Variants in NALCN observed in about 807,000 individuals in gnomAD.
NALCN encodes sodium leak channel NALCN.
In NALCN, 111 loss-of-function variants were observed where a neutral mutation model predicts 225.3. The ratio of observed to expected loss-of-function variants is 0.49; its 90% CI spans 0.42 to 0.58. The LOEUF is 0.58. NALCN is among the 20% of genes least tolerant of loss of function. The probability of loss-of-function intolerance (pLI) is 0.00; values close to 1 mark genes in which losing one functional copy is unlikely to be tolerated. For synonymous variants in NALCN, 764 were observed against 769.0 expected (o/e 0.99, Z 0.11); for missense variants, 1,378 against 2,202.4 (o/e 0.63, Z 7.49).
chr13:101,314,813 G>A (rs1374922443), intron 7 of NALCN, among the ~76,000 whole-genome samples: 2 of 152,178 alleles, frequency 1.3e-5, no homozygotes, highest in African/African-American at 4.8e-5. Context: ...TACAAAGGCA[G>A]GTGAGCAAAG....
At chr13:101,285,332 C>G (rs1002450251) in intron 9 of NALCN, among the ~76,000 whole-genome samples, 2 of 152,224 alleles carry the variant, frequency 1.3e-5, no homozygotes, top group East Asian at 1.9e-4. Flanking sequence ...TAGAGTCCTG[C>G]TCTGTCGCCC....
At chr13:101,074,774 G>T (rs2033146987) in intron 35 of NALCN, 112 bp from the exon 36 acceptor site, 9 of 1,260,406 alleles carry the variant, frequency 7.1e-6, no homozygotes, top group Non-Finnish European at 9.5e-6. Flanking sequence ...TGGAAGACCT[G>T]GGTAGCAACT....
chr13:101,295,757 T>A (rs1440930631), intron 7 of NALCN, among the ~76,000 whole-genome samples: 3 of 152,102 alleles, frequency 2.0e-5, no homozygotes, highest in Non-Finnish European at 4.4e-5. Flanking sequence ...CTACACTGGG[T>A]AGAAAGGCTG....
chr13:101,234,273 T>A (rs2041466336), intron 12 of NALCN, among the ~76,000 whole-genome samples: 1 of 152,230 alleles, frequency 6.6e-6, no homozygotes, highest in African/African-American at 2.4e-5. Flanking sequence ...CACTGCTCCA[T>A]CTTCAGTATC....
chr13:101,227,086 G>T (rs2041172722), intron 13 of NALCN, among the ~76,000 whole-genome samples: 1 of 152,160 alleles, frequency 6.6e-6, no homozygotes, highest in Non-Finnish European at 1.5e-5. Context: ...CCTCCTGCCT[G>T]TACTGTTGCA....
chr13:101,111,095 C>A (rs1397125111), intron 19 of NALCN, 30 bp downstream of exon 19: 2 of 1,586,498 alleles, frequency 1.3e-6, no homozygotes, highest in South Asian at 2.2e-5. Context: ...TTTTTAGAGT[C>A]TCTGAAGCCC....
At chr13:101,297,333 G>A (rs148603398) in intron 7 of NALCN, among the ~76,000 whole-genome samples, 2 of 152,170 alleles carry the variant, frequency 1.3e-5, no homozygotes, top group Non-Finnish European at 2.9e-5. Context: ...ATGTAAGCCC[G>A]AGACAGTGGA....
chr13:101,125,028 T>A (rs181262247), intron 17 of NALCN, among the ~76,000 whole-genome samples: 1 of 152,198 alleles, frequency 6.6e-6, no homozygotes, highest in African/African-American at 2.4e-5. Flanking sequence ...ATCCACATTA[T>A]GTCTGCTGCA....
Position 101,292,518 on chromosome 13 carries a change from C to T in NALCN, c.800-152G>A. 1 of 769,972 alleles carries T rather than the reference C, an allele frequency of 1.3e-6. No homozygotes were observed. Among genetic ancestry groups the T allele is most frequent in the Non-Finnish European group, 1.9e-6 (1 of 513,396 alleles). The allele number at this position is 769,972 out of a possible 1,614,324, so 47.7% of individuals were successfully genotyped here. On this transcript the variant is annotated intron_variant, in intron 7 of 43. Coordinates refer to ENST00000251127, the MANE Select transcript of NALCN (RefSeq NM_052867.4). The surrounding 1 kb of genome is among the most constrained non-coding windows in gnomAD (Gnocchi z 4.3). The stretch of plus-strand genomic sequence containing the variant: ...TTAGAATCACATGCAACACATTTTA[C>T]TGTTCTCTTAAAATTTTAATAAAGT...
chr13:101,353,459 C>T (rs1452065945), intron 6 of NALCN, among the ~76,000 whole-genome samples: 1 of 152,184 alleles, frequency 6.6e-6, no homozygotes, highest in East Asian at 1.9e-4. Flanking sequence ...ATTGGTCTAG[C>T]TAATTCTAAT....
Position 101,226,313 on chromosome 13 carries a change from G to A in NALCN, c.1626+3080C>T, listed in dbSNP as rs899603161. 4.0e-5 allele frequency among the ~76,000 whole-genome samples: 6 copies of A among 151,884 alleles called. No individual in the cohort carries two copies. In the East Asian group the frequency reaches 5.8e-4, roughly 15 times the overall value. On this transcript the variant is annotated intron_variant, in intron 13 of 43. Transcript: ENST00000251127. ...ACTTTCCCTCACATAGAAACATTCC[G>A]AACCTGCGATAAGCTCCCCACTTCC...
intron 1 of NALCN, among the ~76,000 whole-genome samples, chr13:101,413,606 C>G (rs142857456): frequency 0.011 from 1,611 of 152,076 alleles, 28 homozygotes; most frequent in African/African-American, 0.037. Flanking sequence ...TGACAACTAC[C>G]TGAAGTCAAG....
In NALCN at chr13:101,144,827, A is replaced by T. The variant is rs769289961; in HGVS notation, c.1909T>A (p.Phe637Ile). The T allele has an allele frequency of 3.1e-6, 5 of 1,613,584 alleles. No individual in the cohort carries two copies. The South Asian group carries it at 4.4e-5, about 14-fold the overall frequency. ...TTCACCATTTGAGGTCTGTTTGGAA[A>T]TTTTTCAAAGATTCGCAGGCGTAAA... ...LPLRLRIFEKFPNRPQMVKIS... is the reference protein window; with the variant it reads ...LPLRLRIFEKIPNRPQMVKIS... The change falls in exon 16 of 44, where the codon TTT becomes ATT. Residue 637 changes from phenylalanine (F) to isoleucine (I), a missense_variant. Around this residue, in one of 19 missense-constraint regions of NALCN, gnomAD observed 62 missense variants for 143.6 expected, o/e 0.43. Coordinates refer to ENST00000251127, the MANE Select transcript of NALCN (RefSeq NM_052867.4).
chr13:101,227,342 A>G (rs1160103333), intron 13 of NALCN, among the ~76,000 whole-genome samples: 1 of 152,134 alleles, frequency 6.6e-6, no homozygotes, highest in East Asian at 1.9e-4. Context: ...CCTGAAAGCA[A>G]TAACTCAAGC....
At chr13:101,287,822 C>T (rs897501836) in intron 9 of NALCN, among the ~76,000 whole-genome samples, 4 of 152,092 alleles carry the variant, frequency 2.6e-5, no homozygotes, top group African/African-American at 9.7e-5. Flanking sequence ...GGGATTGTTC[C>T]ATTATAGGCA....
intron 7 of NALCN, among the ~76,000 whole-genome samples, chr13:101,303,800 C>T (rs1216889029): frequency 6.6e-6 from 1 of 152,088 alleles, no homozygotes; most frequent in Non-Finnish European, 1.5e-5. Context: ...GCAATCATAC[C>T]TTTCTAGCAA....
rs569997675 is a variant in NALCN at position 101,150,275 on chromosome 13, G to A, written c.1840-5379C>T. ...GTGGCGGGGAGCGGGAGGGAGTATG[G>A]AAAGGAGCTTCTAAGGCACAGTCAA... On this transcript the variant is annotated intron_variant, in intron 15 of 43. Transcript: ENST00000251127. 2.0e-5 allele frequency among the ~76,000 whole-genome samples: 3 copies of A among 152,316 alleles called. No homozygotes were observed. The East Asian group carries it at 5.8e-4, about 29-fold the overall frequency.
At chr13:101,241,723 G>A (rs564627794) in intron 11 of NALCN, among the ~76,000 whole-genome samples, 24 of 152,196 alleles carry the variant, frequency 1.6e-4, no homozygotes, top group Admixed American at 5.2e-4. Context: ...GATTACAGGC[G>A]TGAGCCACCA....
intron 15 of NALCN, among the ~76,000 whole-genome samples, chr13:101,151,215 C>A (rs1314253226): frequency 6.6e-6 from 1 of 152,194 alleles, no homozygotes; most frequent in East Asian, 1.9e-4. Context: ...CAAGAGACTT[C>A]GGGTGTAATT....
Sources: gnomAD v4.1 joint callset for allele counts (sites outside exome capture counted in the v4.1 genomes callset) on GRCh38, gnomAD v4.1.1 for gene constraint, gnomAD v4.1.1 regional missense constraint, Gnocchi (gnomAD v3.1) non-coding constraint, MANE v1.5 for transcripts, NCBI Gene and HGNC (gene_info 2026-07-23, HGNC 2026-07-21) for gene names.